The following SYS1 variants were observed in gnomAD, a reference collection of about 807,000 sequenced individuals.
SYS1 encodes the protein SYS1 golgi trafficking protein.
SYS1 carries 8 observed loss-of-function variants against 17.8 expected under a neutral mutation model. The observed-to-expected ratio is 0.45, with a 90% confidence interval of 0.26 to 0.81. The LOEUF (loss-of-function observed/expected upper bound fraction) is 0.81. Among genes scored for constraint, SYS1 ranks in the 40% least tolerant of loss-of-function variants. SYS1 has a pLI of 0.16. For synonymous variants in SYS1, 95 were observed against 90.9 expected (o/e 1.05, Z -0.26); for missense variants, 161 against 203.9 (o/e 0.79, Z 1.28).
At chr20:45,364,270 G>C (rs1200241364) in intron 2 of SYS1, among the ~76,000 whole-genome samples, 1 of 152,090 alleles carries the variant, frequency 6.6e-6, no homozygotes, top group African/African-American at 2.4e-5. Flanking sequence ...ACTAGCTGTG[G>C]GACCTTGGGC....
At chr20:45,365,492 A>C in intron 2 of SYS1, 127 bp from the exon 3 acceptor site, 1 of 888,464 alleles carries the variant, frequency 1.1e-6, no homozygotes, top group Non-Finnish European at 1.9e-6. Flanking sequence ...AGGCTGCCGT[A>C]CAGATGTAGG....
At chr20:45,374,537 G>A (rs1988662741) in exon 4 of SYS1, 1 of 522,294 alleles carries the variant, frequency 1.9e-6, no homozygotes, top group Middle Eastern at 4.9e-4. Context: ...CTCCCAAGGT[G>A]CTGGGATTAC....
At chr20:45,375,692 C>G (rs1011294955) in exon 4 of SYS1, 4 of 1,062,778 alleles carry the variant, frequency 3.8e-6, no homozygotes, top group Admixed American at 2.4e-5. Flanking sequence ...TGCCCAGAGG[C>G]CTTGTGCTGG....
chr20:45,374,330 T>C (rs1392793103), exon 4 of SYS1: 2 of 685,758 alleles, frequency 2.9e-6, no homozygotes, highest in Non-Finnish European at 5.3e-6. Context: ...TGGAGTGCAG[T>C]GGCGAAGTCA....
chr20:45,362,864 G>A (rs1358791622), upstream of SYS1, among the ~76,000 whole-genome samples: 1 of 152,072 alleles, frequency 6.6e-6, no homozygotes, highest in Non-Finnish European at 1.5e-5. Context: ...TGAAAATAAC[G>A]ACACAGTTTA....
At chr20:45,375,075 G>A (rs1325543101) in exon 4 of SYS1, 9 of 1,614,034 alleles carry the variant, frequency 5.6e-6, no homozygotes, top group South Asian at 2.2e-5. Flanking sequence ...CAAGTGATGC[G>A]GAGCAGAAGC....
exon 4 of SYS1, chr20:45,375,129 C>T: frequency 1.2e-6 from 2 of 1,614,132 alleles, no homozygotes; most frequent in East Asian, 2.2e-5. Flanking sequence ...AGGATCTGCA[C>T]ATCACCCTGG....
chr20:45,365,448 A>G (rs1568917129), intron 2 of SYS1, 171 bp from the exon 3 acceptor site: 4 of 763,128 alleles, frequency 5.2e-6, no homozygotes, highest in Admixed American at 3.6e-5. Flanking sequence ...ATGAAATCCC[A>G]TAATGGATGT....
Position 45,368,425 on chromosome 20 carries a change from C to G in SYS1, c.*1310C>G. ...ACCCACTTCCGCATTGAAACCTTCA[C>G]TGTTCCTCTTTGGTTTCTTCAGAGC... On this transcript the variant is annotated 3_prime_UTR_variant, in exon 4 of 4. Transcript: ENST00000243918. 2.0e-6 allele frequency: 2 copies of G among 985,442 alleles called. No homozygotes were observed. Among genetic ancestry groups the G allele is most frequent in the South Asian group, 9.4e-5 (2 of 21,290 alleles). The allele number at this position is 985,442 out of a possible 1,614,324, so 61.0% of individuals were successfully genotyped here. A position where few individuals can be genotyped will look rare whatever the true frequency, so the allele number is the denominator to read the frequency against.
intron 2 of SYS1, 93 bp downstream of exon 2, chr20:45,363,786 CCTT>C (rs766607044): frequency 2.2e-6 from 3 of 1,344,212 alleles, no homozygotes; most frequent in Non-Finnish European, 1.0e-6. Flanking sequence ...GGCTGGGTCA[CCTT>C]CTTTCTTTGT....
At chr20:45,374,745 C>T (rs1988669490) in exon 4 of SYS1, 2 of 471,566 alleles carry the variant, frequency 4.2e-6, no homozygotes, top group Admixed American at 7.6e-5. Flanking sequence ...TTCAGAGCCA[C>T]AGCAGTTTCC....
Position 45,367,322 on chromosome 20 carries a change from G to A in SYS1, c.*207G>A. On this transcript the variant is annotated 3_prime_UTR_variant, in exon 4 of 4. Coordinates refer to ENST00000243918, the MANE Select transcript of SYS1 (RefSeq NM_033542.4). ...GCAAGAATGACCTCTGTCTGTTGAA[G>A]CCTTGGTATCTGAGAGGTCAGGAAG... The A allele has an allele frequency of 7.1e-7, 1 of 1,406,424 alleles. No homozygotes were observed. The highest frequency in any genetic ancestry group is 3.0e-5 in the Admixed American group (1 of 33,676). 87.1% of individuals were successfully genotyped at this position (1,406,424 alleles called of 1,614,324 possible).
At chr20:45,364,563 C>T (rs1206357013) in intron 2 of SYS1, among the ~76,000 whole-genome samples, 1 of 148,360 alleles carries the variant, frequency 6.7e-6, no homozygotes, top group Non-Finnish European at 1.5e-5. Flanking sequence ...GCTCCGCCTC[C>T]CGGGTTCACG....
In SYS1 at chr20:45,367,452, CTG is replaced by C; in HGVS notation, c.*338_*339del. On this transcript the variant is annotated 3_prime_UTR_variant, in exon 4 of 4. Transcript: ENST00000243918. ...AAGAGAGAAAAAAAATCAAGGATAT[CTG>C]ATTGGAGCAAACCACTTCTTTAGTC... The C allele has an allele frequency of 1.8e-6, 2 of 1,127,240 alleles. No homozygotes were observed. Among genetic ancestry groups the C allele is most frequent in the East Asian group, 1.2e-4 (2 of 16,126 alleles). The allele number at this position is 1,127,240 out of a possible 1,614,324, so 69.8% of individuals were successfully genotyped here. A position where few individuals can be genotyped will look rare whatever the true frequency, so the allele number is the denominator to read the frequency against.
intron 2 of SYS1, among the ~76,000 whole-genome samples, chr20:45,364,988 T>C (rs1217359979): frequency 6.6e-6 from 1 of 152,214 alleles, no homozygotes; most frequent in East Asian, 1.9e-4. Flanking sequence ...TGGCATTTGA[T>C]AGTATTGTGT....
Position 45,368,224 on chromosome 20 carries a change from C to T in SYS1, c.*1109C>T. 1.0e-6 allele frequency: 1 copy of T among 985,440 alleles called. No individual in the cohort carries two copies. The highest frequency in any genetic ancestry group is 1.2e-6 in the Non-Finnish European group (1 of 829,940). 61.0% of individuals were successfully genotyped at this position (985,440 alleles called of 1,614,324 possible). Reference sequence around the variant, plus strand: ...TAGGCCACCTTCTCCCTTTCCTGGACCCCAGAGTCATTCCTCCATTTGGTT... The same window carrying T: ...TAGGCCACCTTCTCCCTTTCCTGGATCCCAGAGTCATTCCTCCATTTGGTT... On this transcript the variant is annotated 3_prime_UTR_variant, in exon 4 of 4. Coordinates refer to ENST00000243918, the MANE Select transcript of SYS1 (RefSeq NM_033542.4).
chr20:45,368,432 T>C lies in SYS1; in HGVS notation c.*1317T>C, dbSNP rs1037461987. Reference sequence around the variant, plus strand: ...TCCGCATTGAAACCTTCACTGTTCCTCTTTGGTTTCTTCAGAGCTTTCCCA... The same window carrying C: ...TCCGCATTGAAACCTTCACTGTTCCCCTTTGGTTTCTTCAGAGCTTTCCCA... On this transcript the variant is annotated 3_prime_UTR_variant, in exon 4 of 4. Transcript: ENST00000243918. 15 of 985,344 alleles carry C rather than the reference T, an allele frequency of 1.5e-5. No homozygotes were observed. The Admixed American group carries it at 8.0e-4, about 52-fold the overall frequency. The allele number at this position is 985,344 out of a possible 1,614,324, so 61.0% of individuals were successfully genotyped here.
intron 1 of SYS1, 82 bp downstream of exon 1, chr20:45,363,397 G>A (rs1339480592): frequency 8.3e-6 from 12 of 1,437,766 alleles, no homozygotes; most frequent in African/African-American, 1.4e-5. Flanking sequence ...CTCTGAGAAT[G>A]GGTCTGTCTG....
Position 45,375,325 on chromosome 20 carries a change from C to T in SYS1, c.*1031C>T, listed in dbSNP as rs1988695450. ...GTTCAAGCTATCATCCCTCGATGTC[C>T]TTGGAACCTCAGGCTCTATATGCTT... On this transcript the variant is annotated 3_prime_UTR_variant, in exon 4 of 4. Coordinates refer to the SYS1 transcript ENST00000426004. The T allele has an allele frequency of 1.2e-6, 2 of 1,614,164 alleles. No individual in the cohort carries two copies. The highest frequency in any genetic ancestry group is 3.3e-5 in the Admixed American group (2 of 60,012).
Sources: gnomAD v4.1 joint callset for allele counts (sites outside exome capture counted in the v4.1 genomes callset) on GRCh38, gnomAD v4.1.1 for gene constraint, MANE v1.5 for transcripts, NCBI Gene and HGNC (gene_info 2026-07-23, HGNC 2026-07-21) for gene names.